TPTE2: variants seen among roughly 807,000 people sequenced by gnomAD.
TPTE2 encodes the protein phosphatidylinositol 3,4,5-trisphosphate 3-phosphatase TPTE2.
A neutral mutation model predicts 78.6 loss-of-function variants in TPTE2; 53 were observed. The ratio of observed to expected loss-of-function variants is 0.67; its 90% CI spans 0.54 to 0.85. The LOEUF (loss-of-function observed/expected upper bound fraction) is 0.85. Among genes scored for constraint, TPTE2 ranks in the 40% least tolerant of loss-of-function variants. The probability of loss-of-function intolerance (pLI) is 0.00; values close to 1 mark genes in which losing one functional copy is unlikely to be tolerated. For missense variants in TPTE2, 461 were observed against 623.0 expected, an observed-to-expected ratio of 0.74 and a Z score of 2.77; for synonymous variants, 175 against 206.2, an observed-to-expected ratio of 0.85 and a Z score of 1.30.
chr13:19,504,919 C>A (rs1032956045), upstream of TPTE2, among the ~76,000 whole-genome samples: 1 of 151,916 alleles, frequency 6.6e-6, no homozygotes, highest in African/African-American at 2.4e-5. Flanking sequence ...ACATACATTT[C>A]TTTACATATT....
chr13:19,443,477 C>A lies in TPTE2; in HGVS notation c.974-5324G>T, dbSNP rs970932204. 9.4e-5 allele frequency among the ~76,000 whole-genome samples: 14 copies of A among 148,168 alleles called. No individual in the cohort carries two copies. In the Admixed American group the frequency reaches 9.6e-4, roughly 10 times the overall value. On this transcript the variant is annotated intron_variant, in intron 13 of 19. Transcript: ENST00000400230. The stretch of plus-strand genomic sequence containing the variant: ...CTGGAGAGCAGTGGTGTGATCTTGG[C>A]TCACTGCAACCTCTGCCTCCTGGTT...
chr13:19,494,832 A>G (rs1297920300), intron 1 of TPTE2, among the ~76,000 whole-genome samples: 1 of 152,152 alleles, frequency 6.6e-6, no homozygotes, highest in African/African-American at 2.4e-5. Context: ...CGTAATTCTA[A>G]TGTTTTGCAA....
chr13:19,473,498 C>A lies in TPTE2; in HGVS notation c.392+416G>T, dbSNP rs1207123321. 1.1e-4 allele frequency among the ~76,000 whole-genome samples: 17 copies of A among 152,232 alleles called. No homozygotes were observed. In the East Asian group the frequency reaches 1.7e-3, roughly 16 times the overall value. On this transcript the variant is annotated intron_variant, in intron 6 of 19. Coordinates refer to ENST00000400230, the Ensembl canonical transcript of TPTE2. ...AATCCATGGCCACCTCAAACACAGGCCATGGGGGGTACTGCCAGACTACCA... is the reference window on the plus strand; with the variant it reads ...AATCCATGGCCACCTCAAACACAGGACATGGGGGGTACTGCCAGACTACCA...
At chr13:19,519,319 C>T (rs2137715477) in intron 1 of TPTE2, among the ~76,000 whole-genome samples, 1 of 152,028 alleles carries the variant, frequency 6.6e-6, no homozygotes, top group Admixed American at 6.6e-5. Context: ...CTTTCCTGTT[C>T]CACATAAAAG....
chr13:19,429,783 G>C (rs926193537), intron 17 of TPTE2, among the ~76,000 whole-genome samples: 5 of 152,182 alleles, frequency 3.3e-5, no homozygotes, highest in African/African-American at 1.2e-4. Context: ...AGGGTTATTA[G>C]ACCATGAAGG....
At chr13:19,498,668 CA>C (rs1881552049) in intron 1 of TPTE2, among the ~76,000 whole-genome samples, 1 of 152,034 alleles carries the variant, frequency 6.6e-6, no homozygotes, top group Non-Finnish European at 1.5e-5. Context: ...TGGAAAGGAA[CA>C]ACCGGTACCA....
At chr13:19,432,877 C>T (rs574584416) in intron 15 of TPTE2, among the ~76,000 whole-genome samples, 3 of 152,180 alleles carry the variant, frequency 2.0e-5, no homozygotes, top group Non-Finnish European at 2.9e-5. Flanking sequence ...ACAGTTACAG[C>T]ATCATCAGTG....
chr13:19,493,723 G>A (rs1593395451), intron 1 of TPTE2: 4 of 586,842 alleles, frequency 6.8e-6, no homozygotes, highest in South Asian at 3.5e-5. Flanking sequence ...AATGCTTCCC[G>A]ATTTAAGTAA....
At chr13:19,528,997 T>A (rs1424711970) in intron 1 of TPTE2, among the ~76,000 whole-genome samples, 8 of 152,250 alleles carry the variant, frequency 5.3e-5, no homozygotes, top group Middle Eastern at 3.4e-3. Flanking sequence ...CATGTGCCTA[T>A]AGTTCCAGCT....
In TPTE2 at chr13:19,426,490, T is replaced by TAC; in HGVS notation, c.1329_1330insGT (p.Ile444ValfsTer3). The TAC allele has an allele frequency of 6.6e-7, 1 of 1,525,110 alleles. No homozygotes were observed. The highest frequency in any genetic ancestry group is 9.1e-7 in the Non-Finnish European group (1 of 1,103,372). The allele number at this position is 1,525,110 out of a possible 1,614,324, so 94.5% of individuals were successfully genotyped here. A position where few individuals can be genotyped will look rare whatever the true frequency, so the allele number is the denominator to read the frequency against. On this transcript the variant is annotated frameshift_variant, in exon 18 of 20. Coordinates refer to ENST00000400230, the Ensembl canonical transcript of TPTE2. LOFTEE classifies it high-confidence loss of function. ...GGACCGTCATATACATTAATTAATA[T>TAC]TTTGTCTGTTTCAATGTCATGCAAT...
chr13:19,555,157 T>C, the TPTE2 span, among the ~76,000 whole-genome samples: 1 of 152,250 alleles, frequency 6.6e-6, no homozygotes, highest in Non-Finnish European at 1.5e-5. Context: ...CCTTGACATG[T>C]ATGTACTAGC....
At chr13:19,439,386 T>G (rs559254540) in intron 13 of TPTE2, among the ~76,000 whole-genome samples, 6 of 150,868 alleles carry the variant, frequency 4.0e-5, no homozygotes, top group South Asian at 4.2e-4. Context: ...TGCTCTACAG[T>G]CACACCCTCT....
intron 19 of TPTE2, among the ~76,000 whole-genome samples, chr13:19,423,559 G>A (rs2137448324): frequency 6.6e-6 from 1 of 152,216 alleles, no homozygotes; most frequent in Non-Finnish European, 1.5e-5. Flanking sequence ...TCAGACCTTG[G>A]AAATGACCTT....
chr13:19,483,854 G>A (rs1362930803), intron 3 of TPTE2, among the ~76,000 whole-genome samples: 2 of 151,960 alleles, frequency 1.3e-5, no homozygotes, highest in African/African-American at 4.8e-5. Flanking sequence ...ATGTATACAT[G>A]TGCCATGTTG....
At chr13:19,448,815 T>C (rs1473590384) in intron 13 of TPTE2, among the ~76,000 whole-genome samples, 1 of 152,224 alleles carries the variant, frequency 6.6e-6, no homozygotes, top group Non-Finnish European at 1.5e-5. Context: ...TCTGGGTATA[T>C]ATCCAAAGGA....
intron 6 of TPTE2, among the ~76,000 whole-genome samples, chr13:19,469,653 T>A (rs558474024): frequency 2.0e-5 from 3 of 152,342 alleles, no homozygotes; most frequent in Admixed American, 2.0e-4. Context: ...TTCCAATCCA[T>A]GAAATGGAAT....
chr13:19,516,166 G>A (rs372419653), intron 1 of TPTE2, among the ~76,000 whole-genome samples: 3 of 152,320 alleles, frequency 2.0e-5, no homozygotes, highest in African/African-American at 7.2e-5. Flanking sequence ...GAGTTAGGTG[G>A]AGGTTAGCTA....
chr13:19,526,336 A>G (rs1870494941), intron 1 of TPTE2, among the ~76,000 whole-genome samples: 1 of 152,172 alleles, frequency 6.6e-6, no homozygotes, highest in Non-Finnish European at 1.5e-5. Flanking sequence ...CACATATACC[A>G]TGGAATACTA....
In TPTE2 at chr13:19,475,299, C is replaced by T. The variant is rs560538159; in HGVS notation, c.230+274G>A. On this transcript the variant is annotated intron_variant, in intron 5 of 19. Transcript: ENST00000400230. Reference sequence around the variant, plus strand: ...GCAGTGCAATGGTGCAATTTCAGCTCACTGCAACCTATGCCTCCTCGGTCC... The same window carrying T: ...GCAGTGCAATGGTGCAATTTCAGCTTACTGCAACCTATGCCTCCTCGGTCC... 4.5e-4 allele frequency among the ~76,000 whole-genome samples: 68 copies of T among 151,678 alleles called. 1 individual carries two copies. The highest frequency in any genetic ancestry group is 1.5e-3 in the African/African-American group (60 of 41,344).
Sources: gnomAD v4.1 joint callset for allele counts (sites outside exome capture counted in the v4.1 genomes callset) on GRCh38, gnomAD v4.1.1 for gene constraint, MANE v1.5 for transcripts, NCBI Gene and HGNC (gene_info 2026-07-23, HGNC 2026-07-21) for gene names.